MS4A10: variants seen among roughly 807,000 people sequenced by gnomAD.
MS4A10 encodes the protein membrane-spanning 4-domains subfamily A member 10.
Under a neutral mutation model 27.7 loss-of-function variants are expected in MS4A10, and 27 were observed. That is an observed-to-expected ratio of 0.98 (90% confidence interval 0.72 to 1.35). MS4A10 has a LOEUF of 1.35. Among genes scored for constraint, MS4A10 ranks in the 40% most tolerant of loss-of-function variants. The pLI, the probability that MS4A10 is intolerant of heterozygous loss-of-function variation, is 0.00. For missense variants in MS4A10, 338 were observed against 324.7 expected, an observed-to-expected ratio of 1.04 and a Z score of -0.32; for synonymous variants, 139 against 131.2, an observed-to-expected ratio of 1.06 and a Z score of -0.41.
intron 1 of MS4A10, among the ~76,000 whole-genome samples, chr11:60,788,338 A>G (rs1467444334): frequency 6.6e-6 from 1 of 152,228 alleles, no homozygotes; most frequent in Admixed American, 6.5e-5. Context: ...GTGAATGTCT[A>G]GGTGGAGGTA....
rs1330622222 is a variant in MS4A10, at chr11:60,800,020, TG to T, written c.*113del. On this transcript the variant is annotated 3_prime_UTR_variant, in exon 8 of 8. Transcript: ENST00000308287. ...TTGCACATACAAAAGGCTAGAGCGA[TG>T]GTCTATACAGCAAAGTCAGCCCTCA... 6.5e-7 allele frequency: 1 copy of T among 1,549,612 alleles called. No homozygotes were observed.
intron 7 of MS4A10, among the ~76,000 whole-genome samples, chr11:60,798,855 C>T (rs2134759473): frequency 6.6e-6 from 1 of 152,362 alleles, no homozygotes; most frequent in Non-Finnish European, 1.5e-5. Flanking sequence ...GCCCCCCATG[C>T]CCTCTGGCCT....
chr11:60,787,441 G>C (rs1198238624), intron 1 of MS4A10, among the ~76,000 whole-genome samples: 1 of 152,150 alleles, frequency 6.6e-6, no homozygotes, highest in Non-Finnish European at 1.5e-5. Context: ...TGATGACTAA[G>C]GTCTGCCCTC....
intron 6 of MS4A10, 132 bp from the exon 7 acceptor site, chr11:60,798,264 C>A: frequency 1.4e-6 from 1 of 707,594 alleles, no homozygotes; most frequent in Non-Finnish European, 2.4e-6. Flanking sequence ...GTCGCTTCGT[C>A]TCTCAAGCCT....
intron 1 of MS4A10, 21 bp from the exon 2 acceptor site, chr11:60,790,293 G>T: frequency 6.2e-7 from 1 of 1,603,222 alleles, no homozygotes; most frequent in African/African-American, 1.3e-5. Flanking sequence ...GGTTCTGACG[G>T]CCTTCCTCCC....
chr11:60,786,579 C>T (rs1034101936), intron 1 of MS4A10, among the ~76,000 whole-genome samples: 2 of 151,936 alleles, frequency 1.3e-5, no homozygotes, highest in African/African-American at 4.8e-5. Flanking sequence ...TAACCAAGAA[C>T]CAGACGAGGA....
chr11:60,795,687 C>A (rs1178040419), intron 6 of MS4A10, 22 bp downstream of exon 6: 2 of 1,491,736 alleles, frequency 1.3e-6, no homozygotes. Context: ...GCTTGTCTTC[C>A]CAGGAAGACA....
At position 60,795,676 on chromosome 11, in the gene MS4A10, G is replaced by A. The variant is rs2134755443; in HGVS notation, c.603+11G>A. ...TGCCCATCTGCAAAGGTAAGACAAG[G>A]GCTTGTCTTCCCAGGAAGACAAAAA... On this transcript the variant is annotated intron_variant, in intron 6 of 7. Coordinates refer to ENST00000308287, the MANE Select transcript of MS4A10 (RefSeq NM_206893.4). 1 of 1,528,124 alleles carries A rather than the reference G, an allele frequency of 6.5e-7. No homozygotes were observed. The highest frequency in any genetic ancestry group is 2.4e-5 in the East Asian group (1 of 41,256). 94.7% of individuals were successfully genotyped at this position (1,528,124 alleles called of 1,614,324 possible). A position where few individuals can be genotyped will look rare whatever the true frequency, so the allele number is the denominator to read the frequency against.
intron 1 of MS4A10, among the ~76,000 whole-genome samples, chr11:60,788,636 T>G (rs1854377417): frequency 6.6e-6 from 1 of 152,226 alleles, no homozygotes; most frequent in Non-Finnish European, 1.5e-5. Flanking sequence ...CATGCATAGC[T>G]GGGCAGAGTC....
intron 1 of MS4A10, among the ~76,000 whole-genome samples, chr11:60,788,933 G>T (rs909496794): frequency 1.3e-5 from 2 of 152,210 alleles, no homozygotes; most frequent in African/African-American, 4.8e-5. Context: ...CTGACTTCCT[G>T]AGTATTAAGG....
rs180901874 is a variant in MS4A10 at position 60,792,684 on chromosome 11, C to T, written c.360+363C>T. ...ATAGCCTGCAAGCCCCAGCCTCCAG[C>T]TGGATTTGCATCTACTTCTCCTCTC... On this transcript the variant is annotated intron_variant, in intron 4 of 7. Transcript: ENST00000308287. Among the ~76,000 whole-genome samples the T allele has an allele frequency of 2.6e-5, 4 of 152,348 alleles. No homozygotes were observed. In the East Asian group the frequency reaches 7.7e-4, roughly 29 times the overall value.
chr11:60,793,604 G>A (rs1854467138), intron 4 of MS4A10, among the ~76,000 whole-genome samples: 1 of 152,208 alleles, frequency 6.6e-6, no homozygotes. Flanking sequence ...GGGTCACCTG[G>A]GTGTCGAATC....
At position 60,790,567 on chromosome 11, in the gene MS4A10, G is replaced by A. The variant is rs375919284; in HGVS notation, c.183+49G>A. ...CCAGCAGTGGGAGGCAGAGGAGAGG[G>A]GGATATGAGGAGGATGCTGGGGGGC... On this transcript the variant is annotated intron_variant, in intron 2 of 7. Coordinates refer to ENST00000308287, the MANE Select transcript of MS4A10 (RefSeq NM_206893.4). 6.3e-6 allele frequency: 10 copies of A among 1,599,536 alleles called. No homozygotes were observed. In the Admixed American group the frequency reaches 8.6e-5, roughly 14 times the overall value.
rs1472105417 is a variant in MS4A10, at chr11:60,798,404, T to C, written c.612T>C (p.Asp204=). Residue 204 remains aspartate, a synonymous_variant, in exon 7 of 8, where the codon GAT becomes GAC. Coordinates refer to ENST00000308287, the MANE Select transcript of MS4A10 (RefSeq NM_206893.4). ...CGACTTTTCTTTCGCAGAATGATGA[T>C]GCATGCCTTGTTCCGAATACACCAT... ...RGDCPSAKND[D]ACLVPNTPLH... 1.2e-6 allele frequency: 2 copies of C among 1,613,736 alleles called. No individual in the cohort carries two copies. Among genetic ancestry groups the C allele is most frequent in the Non-Finnish European group, 8.5e-7 (1 of 1,179,696 alleles).
intron 3 of MS4A10, 84 bp downstream of exon 3, chr11:60,791,177 G>T (rs1395083985): frequency 1.3e-6 from 2 of 1,568,824 alleles, no homozygotes; most frequent in African/African-American, 1.4e-5. Context: ...CAGGATGCAG[G>T]GTGGGATAGA....
intron 1 of MS4A10, among the ~76,000 whole-genome samples, chr11:60,787,391 T>C (rs192167638): frequency 6.6e-6 from 1 of 152,318 alleles, no homozygotes; most frequent in East Asian, 1.9e-4. Flanking sequence ...CTCTTTGTCT[T>C]GGAAAGGCGT....
At chr11:60,789,787 C>T (rs1214590195) in intron 1 of MS4A10, among the ~76,000 whole-genome samples, 3 of 152,130 alleles carry the variant, frequency 2.0e-5, no homozygotes, top group Non-Finnish European at 4.4e-5. Context: ...ATGTTAGCAT[C>T]GTTAAATATG....
Position 60,792,293 on chromosome 11 carries a change from C to A in MS4A10, c.332C>A (p.Thr111Lys), listed in dbSNP as rs1185468074. ...SFLISGILAI[T>K]MKTFSKTYLK... ...CTCATTTCAGGGATCTTGGCGATAA[C>A]AATGAAGACCTTTTCTAAAACTTAC... is the stretch of plus-strand genomic sequence containing the variant. The change falls in exon 4 of 8, where the codon ACA becomes AAA. Residue 111 changes from threonine to lysine, a missense_variant. Thr to Lys is a moderately conservative substitution (Grantham distance 78). Coordinates refer to ENST00000308287, the MANE Select transcript of MS4A10 (RefSeq NM_206893.4). 1.2e-6 allele frequency: 2 copies of A among 1,613,354 alleles called. No homozygotes were observed. Among genetic ancestry groups the A allele is most frequent in the Non-Finnish European group, 1.7e-6 (2 of 1,179,308 alleles).
chr11:60,788,639 G>A (rs565489331), intron 1 of MS4A10, among the ~76,000 whole-genome samples: 1 of 152,336 alleles, frequency 6.6e-6, no homozygotes, highest in Admixed American at 6.5e-5. Context: ...GCATAGCTGG[G>A]CAGAGTCACA....
Sources: allele counts gnomAD v4.1 joint callset (sites outside exome capture counted in the v4.1 genomes callset), GRCh38; gene constraint gnomAD v4.1.1; transcripts MANE v1.5; gene names NCBI Gene and HGNC (gene_info 2026-07-23, HGNC 2026-07-21).